The following TSHZ3 variants were observed in gnomAD, a reference collection of about 807,000 sequenced individuals.
TSHZ3 encodes the protein teashirt homolog 3.
TSHZ3 carries 10 observed loss-of-function variants against 64.5 expected under a neutral mutation model. That is an observed-to-expected ratio of 0.16 (90% CI 0.10 to 0.26). The LOEUF is 0.26. Among genes scored for constraint, TSHZ3 ranks in the 10% least tolerant of loss-of-function variants. The pLI, the probability that TSHZ3 is intolerant of heterozygous loss-of-function variation, is 1.00. For synonymous variants in TSHZ3, 608 were observed against 593.1 expected, an observed-to-expected ratio of 1.03 and a Z score of -0.36; for missense variants, 1,242 against 1,421.7, an observed-to-expected ratio of 0.87 and a Z score of 2.03.
chr19:31,341,570 G>A (rs1917435136), intron 1 of TSHZ3, among the ~76,000 whole-genome samples: 2 of 151,536 alleles, frequency 1.3e-5, no homozygotes, highest in South Asian at 2.1e-4. Context: ...CACTGTTATA[G>A]AAAGGTGGCC....
chr19:31,324,218 AT>A, intron 1 of TSHZ3, among the ~76,000 whole-genome samples: 1 of 152,298 alleles, frequency 6.6e-6, no homozygotes, highest in African/African-American at 2.4e-5. Flanking sequence ...TATCATTATG[AT>A]TTTAATGTAG....
intron 1 of TSHZ3, among the ~76,000 whole-genome samples, chr19:31,253,115 A>G (rs1975862974): frequency 6.6e-6 from 1 of 152,204 alleles, no homozygotes; most frequent in Non-Finnish European, 1.5e-5. Flanking sequence ...AATCGAAACC[A>G]TCTCTAAAGG....
chr19:31,339,897 T>C (rs1348532448), intron 1 of TSHZ3, among the ~76,000 whole-genome samples: 1 of 122,290 alleles, frequency 8.2e-6, no homozygotes, highest in African/African-American at 4.8e-5. Context: ...TTTAAAAAAA[T>C]TGACTTTAAA....
At chr19:31,199,567 A>G (rs8102450) in intron 5 of TSHZ3, among the ~76,000 whole-genome samples, 102,791 of 148,104 alleles carry the variant, frequency 0.69, 35,962 homozygotes, top group African/African-American at 0.77. Context: ...AAATCTAGAC[A>G]CAGATCTTAC....
chr19:31,220,327 A>T (rs1975381250), intron 4 of TSHZ3, among the ~76,000 whole-genome samples: 1 of 152,230 alleles, frequency 6.6e-6, no homozygotes, highest in South Asian at 2.1e-4. Context: ...GTTATCTGTC[A>T]TCCAAAAGTT....
intron 1 of TSHZ3, among the ~76,000 whole-genome samples, chr19:31,300,259 G>T (rs566789490): frequency 1.3e-5 from 2 of 152,252 alleles, no homozygotes; most frequent in South Asian, 4.1e-4. Context: ...ATCTATACGT[G>T]CTGTACACCA....
At position 31,279,004 on chromosome 19, in the gene TSHZ3, C is replaced by G. The variant is rs766230775; in HGVS notation, c.789G>C (p.Leu263=). Residue 263 remains leucine (L), a synonymous_variant, in exon 2 of 2, where the codon CTG becomes CTC. Transcript: ENST00000240587. The surrounding 1 kb of genome is among the most constrained non-coding windows in gnomAD (Gnocchi z 6.4). ...GGGCGTCTTCCTTCCCTTCCATTTC[C>G]AGCAAGGAGCGTTTGCGAGGCTTGG... ...RWSKPRKRSL[L]EMEGKEDAQK... 2 of 1,613,914 alleles carry G rather than the reference C, an allele frequency of 1.2e-6. No individual in the cohort carries two copies. The highest frequency in any genetic ancestry group is 2.2e-5 in the South Asian group (2 of 91,066).
At chr19:31,305,561 G>C (rs1207381003) in intron 1 of TSHZ3, 1 of 152,180 alleles carries the variant, frequency 6.6e-6, no homozygotes. Context: ...CTTAATTAAG[G>C]AGACAACAGA....
chr19:31,214,684 A>G (rs1003502991), intron 4 of TSHZ3, among the ~76,000 whole-genome samples: 2 of 151,960 alleles, frequency 1.3e-5, no homozygotes, highest in African/African-American at 2.4e-5. Context: ...CAAGGCAGGC[A>G]GATCACGAGG....
At chr19:31,222,516 T>C (rs1196825755) in intron 4 of TSHZ3, among the ~76,000 whole-genome samples, 2 of 152,202 alleles carry the variant, frequency 1.3e-5, no homozygotes, top group African/African-American at 4.8e-5. Context: ...TGTTCCCCAG[T>C]ACTAATCAGA....
chr19:31,150,623 G>A (rs538899734), exon 7 of TSHZ3, among the ~76,000 whole-genome samples: 2 of 152,312 alleles, frequency 1.3e-5, no homozygotes, highest in African/African-American at 4.8e-5. Flanking sequence ...ACAGCGCACG[G>A]GGCAGACACA....
chr19:31,279,859 T>C lies in TSHZ3; in HGVS notation c.41-107A>G. 1 of 1,005,568 alleles carries C rather than the reference T, an allele frequency of 9.9e-7. No individual in the cohort carries two copies. Among genetic ancestry groups the C allele is most frequent in the Admixed American group, 3.5e-5 (1 of 28,788 alleles). 62.3% of individuals were successfully genotyped at this position (1,005,568 alleles called of 1,614,324 possible). ...AGCATTAGTACTTGTTGATCTTACC[T>C]AGAATATGTTCTGGGCTCTCAGGAA... On this transcript the variant is annotated intron_variant, in intron 1 of 1. Coordinates refer to ENST00000240587, the MANE Select transcript of TSHZ3 (RefSeq NM_020856.4). This position sits in a 1 kb window ranked among gnomAD's most constrained non-coding sequence, Gnocchi z 6.4.
At chr19:31,306,575 G>A (rs899097541) in intron 1 of TSHZ3, among the ~76,000 whole-genome samples, 3 of 152,124 alleles carry the variant, frequency 2.0e-5, no homozygotes, top group South Asian at 2.1e-4. Flanking sequence ...GTATGTATGC[G>A]TGTGTGTGTA....
At chr19:31,230,470 C>G (rs548208588) in intron 3 of TSHZ3, among the ~76,000 whole-genome samples, 136 of 152,210 alleles carry the variant, frequency 8.9e-4, no homozygotes, top group African/African-American at 3.2e-3. Context: ...TAACAAGATT[C>G]TTAAAAACAT....
chr19:31,340,338 C>CAAAAAAAAAAAAAAAAAAAAAAAAAAAA (rs1160334453), intron 1 of TSHZ3, among the ~76,000 whole-genome samples: 1 of 32,754 alleles, frequency 3.1e-5, no homozygotes, highest in Non-Finnish European at 5.7e-5. Context: ...GCCTACAGTA[C>CAAAAAAAAAAAAAAAAAAAAAAAAAAAA]AAAAAAAAAA....
chr19:31,247,527 T>G (rs1975772533), intron 1 of TSHZ3, among the ~76,000 whole-genome samples: 1 of 152,128 alleles, frequency 6.6e-6, no homozygotes, highest in South Asian at 2.1e-4. Context: ...AACGTCAGTG[T>G]CATGGAACAC....
In TSHZ3 at chr19:31,275,409, T is replaced by C. The variant is rs1351022970; in HGVS notation, c.*1138A>G. The C allele has an allele frequency of 6.6e-6, 1 of 152,262 alleles. No individual in the cohort carries two copies. Among genetic ancestry groups the C allele is most frequent in the East Asian group, 1.9e-4 (1 of 5,162 alleles). 9.4% of individuals were successfully genotyped at this position (152,262 alleles called of 1,614,324 possible). ...ACATTTTAAAGGCTTTATCAATGTT[T>C]AGGAAATACAGTACAAGTTCTTTTT... is the stretch of plus-strand genomic sequence containing the variant. On this transcript the variant is annotated 3_prime_UTR_variant, in exon 2 of 2. Coordinates refer to ENST00000240587, the MANE Select transcript of TSHZ3 (RefSeq NM_020856.4).
At chr19:31,307,315 T>C (rs911380166) in intron 1 of TSHZ3, among the ~76,000 whole-genome samples, 1 of 151,744 alleles carries the variant, frequency 6.6e-6, no homozygotes, top group African/African-American at 2.4e-5. Context: ...GTGCTCCCCC[T>C]CCCCATGTTC....
chr19:31,264,461 T>C, intron 1 of TSHZ3, among the ~76,000 whole-genome samples: 1 of 152,166 alleles, frequency 6.6e-6, no homozygotes, highest in East Asian at 1.9e-4. Flanking sequence ...TCAAATGAAC[T>C]ACCTGCCCTC....
Sources: allele counts gnomAD v4.1 joint callset (sites outside exome capture counted in the v4.1 genomes callset), GRCh38; gene constraint gnomAD v4.1.1; non-coding constraint Gnocchi (gnomAD v3.1); transcripts MANE v1.5; gene names NCBI Gene and HGNC (gene_info 2026-07-23, HGNC 2026-07-21).